The following PINX1 variants were observed in gnomAD, a reference collection of about 807,000 sequenced individuals.
The protein encoded by PINX1 is PIN2 (TERF1) interacting telomerase inhibitor 1, also known as PIN2/TERF1-interacting telomerase inhibitor 1.
In PINX1, 34 loss-of-function variants were observed where a neutral mutation model predicts 25.4. The ratio of observed to expected loss-of-function variants is 1.34; its 90% confidence interval spans 1.02 to 1.78. PINX1 has a LOEUF of 1.78. PINX1 is among the 40% of genes most tolerant of loss of function. PINX1 has a pLI of 0.00. For synonymous variants in PINX1, 197 were observed against 147.7 expected, an observed-to-expected ratio of 1.33 and a Z score of -2.42; for missense variants, 592 against 404.9, an observed-to-expected ratio of 1.46 and a Z score of -3.97.
chr8:10,802,052 G>A (rs970471472), intron 6 of PINX1, among the ~76,000 whole-genome samples: 1 of 152,060 alleles, frequency 6.6e-6, no homozygotes, highest in Admixed American at 6.5e-5. Context: ...ACTGGAAGAT[G>A]TACAAAGAAG....
intron 6 of PINX1, among the ~76,000 whole-genome samples, chr8:10,813,018 G>A (rs1443359340): frequency 6.6e-6 from 1 of 152,138 alleles, no homozygotes; most frequent in Admixed American, 6.5e-5. Context: ...AAAATGTTTT[G>A]GCCAACTGTC....
At chr8:10,773,623 A>G (rs1039839415) in intron 6 of PINX1, among the ~76,000 whole-genome samples, 4 of 152,236 alleles carry the variant, frequency 2.6e-5, no homozygotes, top group African/African-American at 9.6e-5. Flanking sequence ...ATGAAGGCCA[A>G]TGGTAACAGA....
intron 6 of PINX1, among the ~76,000 whole-genome samples, chr8:10,803,130 G>T (rs1045610169): frequency 6.6e-6 from 1 of 152,124 alleles, no homozygotes; most frequent in East Asian, 1.9e-4. Flanking sequence ...AAAAAAATTA[G>T]TGAACCCTAA....
intron 5 of PINX1, among the ~76,000 whole-genome samples, chr8:10,825,104 C>G (rs960971450): frequency 4.6e-5 from 7 of 152,218 alleles, no homozygotes; most frequent in African/African-American, 1.4e-4. Flanking sequence ...ATCCACTCAG[C>G]TCTGCCACGG....
At chr8:10,789,773 C>T (rs1272044948) in intron 6 of PINX1, among the ~76,000 whole-genome samples, 1 of 152,158 alleles carries the variant, frequency 6.6e-6, no homozygotes, top group Non-Finnish European at 1.5e-5. Flanking sequence ...GAAGGGTACA[C>T]ACCACTGAGA....
chr8:10,828,786 T>A (rs543691947), intron 4 of PINX1, among the ~76,000 whole-genome samples: 1 of 152,194 alleles, frequency 6.6e-6, no homozygotes, highest in Non-Finnish European at 1.5e-5. Context: ...CCTCCCACTT[T>A]ACAAAGGAAA....
Position 10,807,074 on chromosome 8 carries a change from G to T in PINX1, c.471+13119C>A, listed in dbSNP as rs886739755. 2.6e-5 allele frequency among the ~76,000 whole-genome samples: 4 copies of T among 152,140 alleles called. No homozygotes were observed. In the East Asian group the frequency reaches 7.7e-4, roughly 29 times the overall value. ...GTGGGGGAAATCCTCCCTCATGAAGGGAGCAAACCAAAACCAAAAGAAAAG... is the reference window on the plus strand; with the variant it reads ...GTGGGGGAAATCCTCCCTCATGAAGTGAGCAAACCAAAACCAAAAGAAAAG... On this transcript the variant is annotated intron_variant, in intron 6 of 6. Coordinates refer to ENST00000314787, the MANE Select transcript of PINX1 (RefSeq NM_017884.6).
chr8:10,828,613 G>A (rs1163224113), intron 4 of PINX1, among the ~76,000 whole-genome samples: 2 of 152,206 alleles, frequency 1.3e-5, no homozygotes, highest in Non-Finnish European at 2.9e-5. Flanking sequence ...GAATCACCTG[G>A]TGAGCGTCTC....
At chr8:10,834,390 T>A in intron 2 of PINX1, 1 of 392,374 alleles carries the variant, frequency 2.5e-6, no homozygotes, top group South Asian at 3.3e-5. Context: ...GCAGAGGCTC[T>A]ACTGGAGTCA....
At chr8:10,789,211 G>C (rs1285443221) in intron 6 of PINX1, among the ~76,000 whole-genome samples, 2 of 152,222 alleles carry the variant, frequency 1.3e-5, no homozygotes, top group Non-Finnish European at 2.9e-5. Flanking sequence ...CAGTGTAACT[G>C]AGGGGACCCT....
At chr8:10,831,769 G>A (rs1409840942) in intron 3 of PINX1, 26 bp from the exon 4 acceptor site, 6 of 1,389,226 alleles carry the variant, frequency 4.3e-6, no homozygotes, top group East Asian at 2.4e-5. Flanking sequence ...AAATGAACGA[G>A]AGGTAAGCCT....
intron 6 of PINX1, among the ~76,000 whole-genome samples, chr8:10,819,236 T>C (rs1379593272): frequency 3.3e-5 from 5 of 152,194 alleles, no homozygotes; most frequent in Admixed American, 6.5e-5. Flanking sequence ...CCACTGGTAA[T>C]TCTGGACTCC....
intron 4 of PINX1, 50 bp downstream of exon 4, chr8:10,831,615 A>C: frequency 8.6e-7 from 1 of 1,156,916 alleles, no homozygotes; most frequent in Admixed American, 1.9e-5. Context: ...AAAAACAAAA[A>C]GTAGATAAAC....
intron 6 of PINX1, among the ~76,000 whole-genome samples, chr8:10,795,432 GCT>G (rs1802055141): frequency 6.6e-6 from 1 of 152,190 alleles, no homozygotes; most frequent in African/African-American, 2.4e-5. Flanking sequence ...ACGGAGTGTT[GCT>G]CTGTCGCCCA....
chr8:10,839,632 C>A (rs1240112681), intron 1 of PINX1, 106 bp downstream of exon 1: 2 of 1,188,716 alleles, frequency 1.7e-6, no homozygotes, highest in East Asian at 2.6e-5. Flanking sequence ...ATCCCATGCG[C>A]CAGGCGCGCC....
At chr8:10,816,411 T>C (rs1797698152) in intron 6 of PINX1, among the ~76,000 whole-genome samples, 1 of 152,142 alleles carries the variant, frequency 6.6e-6, no homozygotes, top group Admixed American at 6.5e-5. Flanking sequence ...TACATTCAGA[T>C]CATCCAGTTC....
chr8:10,803,953 T>G (rs964780723), intron 6 of PINX1, among the ~76,000 whole-genome samples: 1 of 152,210 alleles, frequency 6.6e-6, no homozygotes, highest in Non-Finnish European at 1.5e-5. Context: ...CTACCCTTGA[T>G]TCCCATGAGT....
intron 6 of PINX1, among the ~76,000 whole-genome samples, chr8:10,791,233 C>T (rs543370714): frequency 1.3e-5 from 2 of 152,134 alleles, no homozygotes; most frequent in African/African-American, 2.4e-5. Context: ...TTTTTAGATC[C>T]TCAGCTTATT....
rs765502117 is a variant in PINX1, at chr8:10,765,376, T to A, written c.*25A>T. 1.3e-5 allele frequency: 20 copies of A among 1,556,864 alleles called. No individual in the cohort carries two copies. In the African/African-American group the frequency reaches 2.6e-4, roughly 20 times the overall value. The stretch of plus-strand genomic sequence containing the variant: ...CCGCAGTGCCCTGACAGCTGAGTGG[T>A]CGGAAGGCCCCGGCTGGGAAGGATT... On this transcript the variant is annotated 3_prime_UTR_variant, in exon 7 of 7. Transcript: ENST00000314787.
Sources: gnomAD v4.1 joint callset for allele counts (sites outside exome capture counted in the v4.1 genomes callset) on GRCh38, gnomAD v4.1.1 for gene constraint, MANE v1.5 for transcripts, NCBI Gene and HGNC (gene_info 2026-07-23, HGNC 2026-07-21) for gene names.